The following HMCN2 variants were observed in gnomAD, a reference collection of about 807,000 sequenced individuals.
HMCN2 encodes hemicentin 2, also known as hemicentin-2.
In HMCN2, 325 loss-of-function variants were observed where a neutral mutation model predicts 377.5. That is an observed-to-expected ratio of 0.86 (90% CI 0.79 to 0.94). The LOEUF is 0.94. Ranked by LOEUF, HMCN2 falls within the 40% of genes least tolerant of loss-of-function variation. HMCN2 has a pLI of 0.00. For missense variants in HMCN2, 4,543 were observed against 4,725.3 expected (o/e 0.96, Z 1.13); for synonymous variants, 2,007 against 2,046.8 (o/e 0.98, Z 0.53).
rs542386168 is a variant in HMCN2, at chr9:130,388,690, T to G, written c.9523+150T>G. On this transcript the variant is annotated intron_variant, in intron 62 of 97. Coordinates refer to ENST00000683500, the MANE Select transcript of HMCN2 (RefSeq NM_001291815.2). ...CCGTGTTGCCCCCCCCCCCACCATT[T>G]GTGTTTGAGTGAAGCGTTGTTTATT... 2.8e-5 allele frequency: 10 copies of G among 352,668 alleles called. No homozygotes were observed. In the East Asian group the frequency reaches 1.6e-3, roughly 56 times the overall value. 21.8% of individuals were successfully genotyped at this position (352,668 alleles called of 1,614,324 possible).
At chr9:130,367,200 G>A (rs1308988644) in intron 43 of HMCN2, among the ~76,000 whole-genome samples, 1 of 152,094 alleles carries the variant, frequency 6.6e-6, no homozygotes, top group Non-Finnish European at 1.5e-5. Flanking sequence ...CAGATATGGT[G>A]GAAAGACCTA....
intron 82 of HMCN2, 57 bp from the exon 83 acceptor site, chr9:130,407,514 C>T (rs774384219): frequency 9.4e-5 from 119 of 1,266,996 alleles, no homozygotes; most frequent in Admixed American, 1.3e-4. Context: ...ACCCAGGCAC[C>T]AGGGAAGTGT....
At chr9:130,282,551 C>T (rs963616899) in intron 1 of HMCN2, among the ~76,000 whole-genome samples, 1 of 151,978 alleles carries the variant, frequency 6.6e-6, no homozygotes, top group Non-Finnish European at 1.5e-5. Context: ...CCAGGGCAGG[C>T]GAGGGAGGAC....
Position 130,319,333 on chromosome 9 carries a change from G to T in HMCN2, c.2351-162G>T, listed in dbSNP as rs900603978. On this transcript the variant is annotated intron_variant, in intron 15 of 97. Coordinates refer to ENST00000683500, the MANE Select transcript of HMCN2 (RefSeq NM_001291815.2). ...TCATCCCAAGAGCTCTCCAGGGGTGGATGCCACTCAGCACAGGTTGACCCT... is the reference window on the plus strand; with the variant it reads ...TCATCCCAAGAGCTCTCCAGGGGTGTATGCCACTCAGCACAGGTTGACCCT... Among the ~76,000 whole-genome samples, 6 of 152,268 alleles carry T rather than the reference G, an allele frequency of 3.9e-5. No homozygotes were observed. In the South Asian group the frequency reaches 1.0e-3, roughly 26 times the overall value.
In HMCN2 at chr9:130,362,744, G is replaced by C. The variant is rs942169051; in HGVS notation, c.6109-123G>C. On this transcript the variant is annotated intron_variant, in intron 39 of 97. Coordinates refer to ENST00000683500, the MANE Select transcript of HMCN2 (RefSeq NM_001291815.2). ...TTCCCTGCATCATGAGGGGCTCTGA[G>C]TCTGGGGCAGGCTGTCCAGGCGTGC... 4 of 748,068 alleles carry C rather than the reference G, an allele frequency of 5.3e-6. No individual in the cohort carries two copies. In the African/African-American group the frequency reaches 7.6e-5, roughly 14 times the overall value. The allele number at this position is 748,068 out of a possible 1,614,324, so 46.3% of individuals were successfully genotyped here.
chr9:130,336,811 C>A (rs904982834), intron 22 of HMCN2, among the ~76,000 whole-genome samples: 26 of 152,140 alleles, frequency 1.7e-4, no homozygotes, highest in African/African-American at 6.0e-4. Context: ...GCATGGCCCG[C>A]GCTTTGCTCA....
rs778786904 is a variant in HMCN2 at position 130,430,586 on chromosome 9, C to T, written c.14629C>T (p.Gln4877Ter). ...CTGGTGCCCTCCTGGTTTCATCAGG[C>T]AGAACGGAGTCTGCACAGGTAAGGC... ...RAWCPPGFIRQNGVCTDLDEC... is the reference protein window; with the variant it reads ...RAWCPPGFIR Residue 4877 changes from glutamine (Q) to a stop codon, truncating the protein, a stop_gained, in exon 95 of 98, where the codon CAG (glutamine) becomes TAG (stop). Coordinates refer to ENST00000683500, the MANE Select transcript of HMCN2 (RefSeq NM_001291815.2). LOFTEE classifies it high-confidence loss of function. 22 of 1,549,894 alleles carry T rather than the reference C, an allele frequency of 1.4e-5. No homozygotes were observed. Among genetic ancestry groups the T allele is most frequent in the Non-Finnish European group, 1.8e-5 (21 of 1,146,618 alleles).
intron 62 of HMCN2, among the ~76,000 whole-genome samples, chr9:130,390,590 G>C (rs1366980272): frequency 6.6e-6 from 1 of 152,266 alleles, no homozygotes; most frequent in African/African-American, 2.4e-5. Context: ...AGAGGCCCAG[G>C]GGGAAGCCCC....
intron 93 of HMCN2, 95 bp from the exon 94 acceptor site, chr9:130,429,462 G>A: frequency 2.7e-6 from 4 of 1,468,460 alleles, no homozygotes; most frequent in South Asian, 2.6e-5. Flanking sequence ...AAGGGGACAG[G>A]GAGGAGGCCC....
In HMCN2 at chr9:130,306,218, A is replaced by G. The variant is rs1836850454; in HGVS notation, c.1906A>G (p.Thr636Ala). ...KVSCSASGYP[T>A]PHISWSRESQ... is the part of the protein sequence containing the mutation. ...CAGCTGCTCAGCCTCTGGATACCCC[A>G]CACCCCACATCTCCTGGAGCCGTGA... Residue 636 changes from threonine (T) to alanine (A), a missense_variant, in exon 12 of 98, where the codon ACA (threonine) becomes GCA (alanine). By Grantham distance (58) the Thr-to-Ala change is moderately conservative. Transcript: ENST00000683500. The G allele has an allele frequency of 2.1e-6, 1 of 470,886 alleles. No homozygotes were observed. The highest frequency in any genetic ancestry group is 2.4e-5 in the Admixed American group (1 of 42,546). 29.2% of individuals were successfully genotyped at this position (470,886 alleles called of 1,614,324 possible).
At position 130,375,790 on chromosome 9, in the gene HMCN2, T is replaced by C. The variant is rs565207088; in HGVS notation, c.7804+54T>C. 2.2e-5 allele frequency: 22 copies of C among 983,602 alleles called. No homozygotes were observed. In the African/African-American group the frequency reaches 3.8e-4, roughly 17 times the overall value. The allele number at this position is 983,602 out of a possible 1,614,324, so 60.9% of individuals were successfully genotyped here. ...GGGAACAGGTGACATGTCATCAGAA[T>C]TGGAGGAGAGGACCTGTGAGCCTGT... On this transcript the variant is annotated intron_variant, in intron 50 of 97. Coordinates refer to ENST00000683500, the MANE Select transcript of HMCN2 (RefSeq NM_001291815.2).
Position 130,402,775 on chromosome 9 carries a change from A to C in HMCN2, c.11771-14A>C, listed in dbSNP as rs907961162. The stretch of plus-strand genomic sequence containing the variant: ...CCTCTGTCCTGATCCCCTCACCCTG[A>C]TTCCCACCAACAGGCGCCCTGGAGA... On this transcript the variant is annotated splice_polypyrimidine_tract_variant and intron_variant, in intron 77 of 97. Coordinates refer to ENST00000683500, the MANE Select transcript of HMCN2 (RefSeq NM_001291815.2). 6.2e-6 allele frequency: 8 copies of C among 1,288,698 alleles called. No homozygotes were observed. In the Admixed American group the frequency reaches 1.8e-4, roughly 30 times the overall value. The allele number at this position is 1,288,698 out of a possible 1,614,324, so 79.8% of individuals were successfully genotyped here. A position where few individuals can be genotyped will look rare whatever the true frequency, so the allele number is the denominator to read the frequency against.
intron 1 of HMCN2, among the ~76,000 whole-genome samples, chr9:130,278,188 G>A (rs537925306): frequency 2.6e-5 from 4 of 152,190 alleles, no homozygotes; most frequent in East Asian, 3.9e-4. Context: ...GCAGTGGCGC[G>A]ATCTCAGCTC....
rs1347207866 is a variant in HMCN2, at chr9:130,393,901, C to T, written c.10394C>T (p.Pro3465Leu). Residue 3465 changes from proline (P) to leucine (L), a missense_variant, in exon 68 of 98, where the codon CCC becomes CTC. Physicochemically the swap from Pro to Leu is moderately conservative, Grantham distance 98. Coordinates refer to ENST00000683500, the MANE Select transcript of HMCN2 (RefSeq NM_001291815.2). This position sits in a 1 kb window ranked among gnomAD's most constrained non-coding sequence, Gnocchi z 5.2. ...TTGTCCCAGAGCCTCGAGCAGGGGC[C>T]CAGCCTGCAGCTGGAGGCAGTGGGA... ...PLLSQSLEQG[P>L]SLQLEAVGAG... The T allele has an allele frequency of 7.8e-7, 1 of 1,289,564 alleles. No homozygotes were observed. Among genetic ancestry groups the T allele is most frequent in the Non-Finnish European group, 1.0e-6 (1 of 988,782 alleles). 79.9% of individuals were successfully genotyped at this position (1,289,564 alleles called of 1,614,324 possible). A position where few individuals can be genotyped will look rare whatever the true frequency, so the allele number is the denominator to read the frequency against.
chr9:130,359,612 G>C (rs1347507622), intron 37 of HMCN2, among the ~76,000 whole-genome samples, 198 bp downstream of exon 37: 1 of 152,360 alleles, frequency 6.6e-6, no homozygotes. Context: ...TCCAGAGCCA[G>C]TGTGAAACAG....
intron 19 of HMCN2, among the ~76,000 whole-genome samples, chr9:130,322,319 A>AATCT (rs1203579796): frequency 1.1e-4 from 17 of 149,498 alleles, no homozygotes; most frequent in Admixed American, 4.0e-4. Flanking sequence ...CTATCTATCT[A>AATCT]ATCTATCTAT....
intron 85 of HMCN2, among the ~76,000 whole-genome samples, 161 bp from the exon 86 acceptor site, chr9:130,418,611 G>A (rs1391959052): frequency 6.6e-6 from 1 of 152,212 alleles, no homozygotes; most frequent in African/African-American, 2.4e-5. Context: ...AGTGTCTAGA[G>A]GGAAATATTC....
chr9:130,383,463 G>A (rs1360982832), intron 56 of HMCN2, 41 bp from the exon 57 acceptor site: 2 of 913,930 alleles, frequency 2.2e-6, no homozygotes, highest in Non-Finnish European at 2.6e-6. Context: ...GTGTCCAAGG[G>A]GTCTCAGGTA....
chr9:130,371,168 G>A (rs935682318), intron 46 of HMCN2, 37 bp downstream of exon 46: 3 of 983,184 alleles, frequency 3.1e-6, no homozygotes, highest in South Asian at 4.7e-5. Flanking sequence ...TGGGAATCAG[G>A]TCGGGCTCTC....
Sources: allele counts gnomAD v4.1 joint callset (sites outside exome capture counted in the v4.1 genomes callset), GRCh38; gene constraint gnomAD v4.1.1; non-coding constraint Gnocchi (gnomAD v3.1); transcripts MANE v1.5; gene names NCBI Gene and HGNC (gene_info 2026-07-23, HGNC 2026-07-21).